PCM1: variants seen among roughly 807,000 people sequenced by gnomAD.
The protein encoded by PCM1 is pericentriolar material 1, also known as pericentriolar material 1 protein.
A neutral mutation model predicts 241.9 loss-of-function variants in PCM1; 157 were observed. That is an observed-to-expected ratio of 0.65 (90% CI 0.57 to 0.74). The LOEUF is 0.74. Among genes scored for constraint, PCM1 ranks in the 30% least tolerant of loss-of-function variants. The probability of loss-of-function intolerance (pLI) is 0.00; values close to 1 mark genes in which losing one functional copy is unlikely to be tolerated. For missense variants in PCM1, 3,478 were observed against 2,360.1 expected, an observed-to-expected ratio of 1.47 and a Z score of -9.81; for synonymous variants, 1,085 against 784.9, an observed-to-expected ratio of 1.38 and a Z score of -6.39.
At chr8:18,006,150 A>C in intron 29 of PCM1, 113 bp from the exon 30 acceptor site, 1 of 773,512 alleles carries the variant, frequency 1.3e-6, no homozygotes, top group Non-Finnish European at 2.0e-6. Context: ...CTGAAAATTG[A>C]GGAGCATCTA....
chr8:18,024,881 G>A (rs754516003), intron 36 of PCM1: 1 of 152,182 alleles, frequency 6.6e-6, no homozygotes, highest in African/African-American at 2.4e-5. Context: ...GGAGAACTAG[G>A]AGGGAAAAAA....
At chr8:17,941,182 C>G (rs559123200) in intron 6 of PCM1, among the ~76,000 whole-genome samples, 5 of 152,124 alleles carry the variant, frequency 3.3e-5, no homozygotes, top group Admixed American at 2.6e-4. Flanking sequence ...TACAGTGGTG[C>G]GAGGCATAAT....
At chr8:17,980,960 A>T (rs537221454) in intron 24 of PCM1, among the ~76,000 whole-genome samples, 1 of 152,354 alleles carries the variant, frequency 6.6e-6, no homozygotes, top group Non-Finnish European at 1.5e-5. Context: ...AGTTTTGGAC[A>T]CATTTTAATA....
chr8:17,925,195 A>C (rs2056446677), intron 2 of PCM1: 1 of 152,178 alleles, frequency 6.6e-6, no homozygotes, highest in Admixed American at 6.5e-5. Context: ...CCTTGACCGA[A>C]ATTTAGTTGT....
intron 2 of PCM1, chr8:17,925,932 A>G (rs891493884): frequency 6.6e-6 from 1 of 152,160 alleles, no homozygotes; most frequent in African/African-American, 2.4e-5. Context: ...GAGGACCTGA[A>G]ATGAGACTGT....
chr8:17,965,393 A>G (rs924542115), intron 18 of PCM1, among the ~76,000 whole-genome samples: 2 of 152,248 alleles, frequency 1.3e-5, no homozygotes, highest in Non-Finnish European at 2.9e-5. Context: ...AAAAGACATT[A>G]TCACTTGGGA....
At position 18,027,606 on chromosome 8, in the gene PCM1, ATTTATAAAGCAT is replaced by A. The variant is rs1407686431; in HGVS notation, c.6050-27_6050-16del. On this transcript the variant is annotated intron_variant, in intron 38 of 38. Transcript: ENST00000325083. ...TTAAATTCTAGTAATTCGATAAGTA[ATTTATAAAGCAT>A]TTTTATTCTGTTTTTCAGAAACGGT... The A allele has an allele frequency of 3.3e-6, 5 of 1,524,064 alleles. No homozygotes were observed. Among genetic ancestry groups the A allele is most frequent in the Middle Eastern group, 2.0e-4 (1 of 5,102 alleles). 94.4% of individuals were successfully genotyped at this position (1,524,064 alleles called of 1,614,324 possible).
At chr8:18,015,988 A>G (rs2093145888) in intron 36 of PCM1, among the ~76,000 whole-genome samples, 3 of 152,178 alleles carry the variant, frequency 2.0e-5, no homozygotes, top group Admixed American at 2.0e-4. Context: ...TCCTGGGTTC[A>G]GGTGATTCTC....
chr8:17,961,107 A>G (rs1015908787), intron 15 of PCM1, among the ~76,000 whole-genome samples: 2 of 152,140 alleles, frequency 1.3e-5, no homozygotes, highest in African/African-American at 4.8e-5. Context: ...AAGCCACCAT[A>G]AGATATCTAA....
At chr8:17,978,852 C>A (rs2079667677) in intron 23 of PCM1, among the ~76,000 whole-genome samples, 1 of 152,128 alleles carries the variant, frequency 6.6e-6, no homozygotes, top group Non-Finnish European at 1.5e-5. Flanking sequence ...TCTAGACTAT[C>A]AACACTAGAG....
At chr8:17,950,536 AATTT>A in intron 7 of PCM1, 75 bp from the exon 8 acceptor site, 1 of 744,016 alleles carries the variant, frequency 1.3e-6, no homozygotes, top group Non-Finnish European at 2.2e-6. Flanking sequence ...TCTTTTTTTA[AATTT>A]ATTTTTAGCT....
chr8:17,956,833 T>A, intron 11 of PCM1, 56 bp downstream of exon 11: 1 of 1,310,604 alleles, frequency 7.6e-7, no homozygotes, highest in Non-Finnish European at 1.1e-6. Context: ...TTGATACTTA[T>A]AATGTGGGAA....
intron 6 of PCM1, among the ~76,000 whole-genome samples, chr8:17,942,038 A>G (rs1032247683): frequency 6.6e-6 from 1 of 152,160 alleles, no homozygotes; most frequent in Non-Finnish European, 1.5e-5. Context: ...TCCATGGATT[A>G]TAGCTTACAG....
chr8:17,998,140 T>C (rs1447703459), intron 29 of PCM1, among the ~76,000 whole-genome samples: 1 of 152,202 alleles, frequency 6.6e-6, no homozygotes, highest in East Asian at 1.9e-4. Flanking sequence ...AGGTCACATA[T>C]CTCTCTCCAG....
intron 21 of PCM1, among the ~76,000 whole-genome samples, chr8:17,969,269 A>G (rs1471125451): frequency 6.6e-6 from 1 of 152,096 alleles, no homozygotes; most frequent in Non-Finnish European, 1.5e-5. Flanking sequence ...TAAGTATTAA[A>G]CCAAGTAACA....
chr8:17,990,154 A>G (rs2084040416), intron 27 of PCM1, among the ~76,000 whole-genome samples, 175 bp downstream of exon 27: 1 of 152,130 alleles, frequency 6.6e-6, no homozygotes, highest in South Asian at 2.1e-4. Flanking sequence ...TAACCCTGTG[A>G]GCAAATCATC....
intron 24 of PCM1, among the ~76,000 whole-genome samples, chr8:17,981,213 A>G (rs1032630446): frequency 6.6e-6 from 1 of 152,116 alleles, no homozygotes; most frequent in Non-Finnish European, 1.5e-5. Flanking sequence ...TTTCTGTGGC[A>G]CTGAACTGGA....
At chr8:18,014,126 A>C in intron 35 of PCM1, 90 bp downstream of exon 35, 1 of 757,542 alleles carries the variant, frequency 1.3e-6, no homozygotes, top group Non-Finnish European at 2.1e-6. Context: ...CACAGAAAAC[A>C]CTAAAATTCT....
chr8:17,957,393 A>T lies in PCM1; in HGVS notation c.1776A>T (p.Ile592=), dbSNP rs781081397. ...CEINNRSAAN[I]RALNMPPSLD... is the part of the protein sequence containing the mutation. Reference sequence around the variant, plus strand: ...TTAACAACAGATCTGCTGCCAACATAAGGGCTCTAAACATGCCTCCTTCTT... The same window carrying T: ...TTAACAACAGATCTGCTGCCAACATTAGGGCTCTAAACATGCCTCCTTCTT... Residue 592 remains isoleucine (I), a synonymous_variant, in exon 12 of 39, where the codon ATA becomes ATT. Coordinates refer to ENST00000325083, the MANE Select transcript of PCM1 (RefSeq NM_006197.4). 3 of 1,612,708 alleles carry T rather than the reference A, an allele frequency of 1.9e-6. No individual in the cohort carries two copies. Among genetic ancestry groups the T allele is most frequent in the Non-Finnish European group, 2.5e-6 (3 of 1,179,012 alleles).
Sources: allele counts gnomAD v4.1 joint callset (sites outside exome capture counted in the v4.1 genomes callset), GRCh38; gene constraint gnomAD v4.1.1; transcripts MANE v1.5; gene names NCBI Gene and HGNC (gene_info 2026-07-23, HGNC 2026-07-21).